The following RIMS4 variants were observed in gnomAD, a reference collection of about 807,000 sequenced individuals.
RIMS4 encodes the protein regulating synaptic membrane exocytosis 4.
Under a neutral mutation model 29.0 loss-of-function variants are expected in RIMS4, and 9 were observed. That is an observed-to-expected ratio of 0.31 (90% CI 0.19 to 0.54). The LOEUF is 0.54. Ranked by LOEUF, RIMS4 falls within the 20% of genes least tolerant of loss-of-function variation. The probability of loss-of-function intolerance (pLI) is 0.94; values close to 1 mark genes in which losing one functional copy is unlikely to be tolerated. For synonymous variants in RIMS4, 130 were observed against 152.9 expected (o/e 0.85, Z 1.10); for missense variants, 193 against 365.7 (o/e 0.53, Z 3.85).
At chr20:44,771,642 T>C (rs1049901491) in intron 1 of RIMS4, among the ~76,000 whole-genome samples, 11 of 152,210 alleles carry the variant, frequency 7.2e-5, no homozygotes, top group Non-Finnish European at 1.5e-4. Context: ...ACATGTGCTT[T>C]TTCTCCCCCT....
chr20:44,796,049 C>G (rs1157041377), intron 1 of RIMS4, among the ~76,000 whole-genome samples: 1 of 151,674 alleles, frequency 6.6e-6, no homozygotes, highest in East Asian at 1.9e-4. Flanking sequence ...CCCTTCCCAT[C>G]ACTATCAAGT....
chr20:44,764,339 A>C (rs909804317), intron 2 of RIMS4, among the ~76,000 whole-genome samples: 1 of 152,210 alleles, frequency 6.6e-6, no homozygotes, highest in African/African-American at 2.4e-5. Flanking sequence ...GTGCAACGCA[A>C]AATCTTGCTA....
At chr20:44,763,546 G>A (rs558357469) in intron 2 of RIMS4, among the ~76,000 whole-genome samples, 12 of 152,316 alleles carry the variant, frequency 7.9e-5, no homozygotes, top group South Asian at 4.1e-4. Context: ...CTGCAGCAGC[G>A]GGTCCCTTCC....
chr20:44,755,840 T>G lies in RIMS4; in HGVS notation c.*294A>C. ...AGTTGGACAGTTTGGGAAGGGAGAG[T>G]GGTCTGCTCTGCCACCTCAATCTTT... On this transcript the variant is annotated 3_prime_UTR_variant, in exon 6 of 6. Transcript: ENST00000372851. The G allele has an allele frequency of 2.9e-6, 1 of 349,960 alleles. No homozygotes were observed. The highest frequency in any genetic ancestry group is 5.3e-6 in the Non-Finnish European group (1 of 189,974). The allele number at this position is 349,960 out of a possible 1,614,324, so 21.7% of individuals were successfully genotyped here.
At chr20:44,809,571 G>A (rs2066313983) in intron 1 of RIMS4, among the ~76,000 whole-genome samples, 2 of 152,204 alleles carry the variant, frequency 1.3e-5, no homozygotes, top group African/African-American at 4.8e-5. Context: ...AGAGAGGGGA[G>A]GAAAGGCCGT....
intron 1 of RIMS4, among the ~76,000 whole-genome samples, chr20:44,781,208 G>C (rs905868080): frequency 1.3e-5 from 2 of 152,136 alleles, no homozygotes; most frequent in Non-Finnish European, 2.9e-5. Flanking sequence ...ATCCTGTGCG[G>C]TAGACTCATA....
At chr20:44,765,148 G>C (rs2066108331) in intron 2 of RIMS4, among the ~76,000 whole-genome samples, 1 of 152,174 alleles carries the variant, frequency 6.6e-6, no homozygotes, top group Admixed American at 6.5e-5. Flanking sequence ...AAATCACTCT[G>C]CTAGGAGTGG....
chr20:44,761,703 C>T (rs1185003584), intron 2 of RIMS4, among the ~76,000 whole-genome samples: 1 of 152,204 alleles, frequency 6.6e-6, no homozygotes, highest in Non-Finnish European at 1.5e-5. Context: ...GATGGCCTGC[C>T]AAATAACCAG....
intron 2 of RIMS4, 59 bp from the exon 3 acceptor site, chr20:44,758,243 G>A (rs1475836904): frequency 9.9e-6 from 12 of 1,206,132 alleles, no homozygotes; most frequent in Non-Finnish European, 1.4e-5. Context: ...AACAACTCTG[G>A]ACTCAAGCAG....
At chr20:44,776,443 C>T (rs1046520623) in intron 1 of RIMS4, among the ~76,000 whole-genome samples, 11 of 152,298 alleles carry the variant, frequency 7.2e-5, no homozygotes, top group Non-Finnish European at 1.5e-4. Flanking sequence ...AGTGCTCCAT[C>T]CTGAGAAATA....
rs1484556166 is a variant in RIMS4, at chr20:44,755,106, T to C, written c.*1028A>G. The C allele has an allele frequency of 1.3e-5, 2 of 152,570 alleles. No homozygotes were observed. The highest frequency in any genetic ancestry group is 2.9e-5 in the Non-Finnish European group (2 of 68,040). 9.5% of individuals were successfully genotyped at this position (152,570 alleles called of 1,614,324 possible). A position where few individuals can be genotyped will look rare whatever the true frequency, so the allele number is the denominator to read the frequency against. On this transcript the variant is annotated 3_prime_UTR_variant, in exon 6 of 6. Coordinates refer to ENST00000372851, the MANE Select transcript of RIMS4 (RefSeq NM_182970.4). ...GGGGCAGTGGGTTCTGCCCTTAGTA[T>C]AGGATGTTTTTTTTAAAAAGACTAA... is the stretch of plus-strand genomic sequence containing the variant.
In RIMS4 at chr20:44,754,422, A is replaced by C. The variant is rs1297593788; in HGVS notation, c.*1712T>G. On this transcript the variant is annotated 3_prime_UTR_variant, in exon 6 of 6. Coordinates refer to ENST00000372851, the MANE Select transcript of RIMS4 (RefSeq NM_182970.4). ...TGGGACCGGGACCGGGACCAGGAAC[A>C]GGGTGGGACCAAAGGCAGCCTGGGT... 6.3e-6 allele frequency: 1 copy of C among 157,824 alleles called. No homozygotes were observed. The highest frequency in any genetic ancestry group is 6.5e-5 in the Admixed American group (1 of 15,406). The allele number at this position is 157,824 out of a possible 1,614,324, so 9.8% of individuals were successfully genotyped here.
At chr20:44,804,624 A>C (rs909839656) in intron 1 of RIMS4, among the ~76,000 whole-genome samples, 4 of 152,204 alleles carry the variant, frequency 2.6e-5, no homozygotes, top group African/African-American at 9.6e-5. Flanking sequence ...GCTTCCTTCC[A>C]TTCTCGCTCT....
At chr20:44,784,928 G>C (rs2066201270) in intron 1 of RIMS4, among the ~76,000 whole-genome samples, 1 of 152,206 alleles carries the variant, frequency 6.6e-6, no homozygotes, top group Admixed American at 6.5e-5. Flanking sequence ...GATCACACAG[G>C]AATCTTGTTA....
At chr20:44,809,470 G>A (rs535773992) in intron 1 of RIMS4, among the ~76,000 whole-genome samples, 2 of 152,034 alleles carry the variant, frequency 1.3e-5, no homozygotes, top group Non-Finnish European at 2.9e-5. Flanking sequence ...CAAGAAAGGC[G>A]ACTCCAGGGA....
intron 1 of RIMS4, among the ~76,000 whole-genome samples, chr20:44,792,776 T>G (rs548132425): frequency 6.6e-6 from 1 of 152,298 alleles, no homozygotes; most frequent in South Asian, 2.1e-4. Flanking sequence ...ACTATCATAA[T>G]GAGAATGATT....
intron 1 of RIMS4, among the ~76,000 whole-genome samples, chr20:44,778,602 C>G (rs143265342): frequency 2.0e-5 from 3 of 152,172 alleles, no homozygotes; most frequent in Non-Finnish European, 4.4e-5. Context: ...GAGTTTGAGG[C>G]TGCAGTGAGC....
intron 1 of RIMS4, among the ~76,000 whole-genome samples, chr20:44,774,174 T>C (rs1040704064): frequency 1.5e-4 from 23 of 152,160 alleles, no homozygotes; most frequent in Non-Finnish European, 3.2e-4. Flanking sequence ...GTTCCAGTGC[T>C]TTCCCAACTA....
intron 1 of RIMS4, among the ~76,000 whole-genome samples, chr20:44,780,033 G>A (rs1435174006): frequency 1.3e-5 from 2 of 152,142 alleles, no homozygotes; most frequent in Non-Finnish European, 2.9e-5. Flanking sequence ...ACCCAGAACA[G>A]GACAGGAAGG....
Sources: allele counts gnomAD v4.1 joint callset (sites outside exome capture counted in the v4.1 genomes callset), GRCh38; gene constraint gnomAD v4.1.1; transcripts MANE v1.5; gene names NCBI Gene and HGNC (gene_info 2026-07-23, HGNC 2026-07-21).